The following PALS1 variants were observed in gnomAD, a reference collection of about 807,000 sequenced individuals.
PALS1 encodes protein associated with LIN7 1, MAGUK p55 family member.
In PALS1, 31 loss-of-function variants were observed where a neutral mutation model predicts 78.9. The observed-to-expected ratio is 0.39, with a 90% CI of 0.30 to 0.53. The LOEUF is 0.53. PALS1 is among the 20% of genes least tolerant of loss of function. PALS1 has a pLI of 0.67. For synonymous variants in PALS1, 276 were observed against 270.9 expected (o/e 1.02, Z -0.18); for missense variants, 704 against 826.5 (o/e 0.85, Z 1.82).
At chr14:67,289,027 C>T (rs140342958) in intron 3 of PALS1, among the ~76,000 whole-genome samples, 27 of 139,050 alleles carry the variant, frequency 1.9e-4, no homozygotes, top group African/African-American at 6.2e-4. Flanking sequence ...AGTGCAGTGG[C>T]GTGATACTGG....
chr14:67,314,707 G>T (rs2085141938), intron 9 of PALS1, among the ~76,000 whole-genome samples: 1 of 152,218 alleles, frequency 6.6e-6, no homozygotes, highest in Non-Finnish European at 1.5e-5. Flanking sequence ...AGATTCCAAT[G>T]ATGACATTTC....
chr14:67,324,172 T>C (rs1201510743), intron 14 of PALS1, among the ~76,000 whole-genome samples: 2 of 152,222 alleles, frequency 1.3e-5, no homozygotes, highest in Non-Finnish European at 2.9e-5. Flanking sequence ...TTTTCTCTTC[T>C]TTTTATCCCA....
chr14:67,322,505 TAGTC>T (rs1367479308), intron 13 of PALS1, among the ~76,000 whole-genome samples: 1 of 152,170 alleles, frequency 6.6e-6, no homozygotes. Context: ...TTAGGCAACA[TAGTC>T]AGTGGTCATT....
intron 4 of PALS1, among the ~76,000 whole-genome samples, chr14:67,298,440 G>A (rs556597133): frequency 3.3e-5 from 5 of 151,650 alleles, no homozygotes; most frequent in African/African-American, 9.7e-5. Flanking sequence ...GCTTGAACCC[G>A]GGAGGCGAAG....
chr14:67,311,924 G>A (rs1422155929), intron 8 of PALS1: 1 of 152,622 alleles, frequency 6.6e-6, no homozygotes, highest in Non-Finnish European at 1.5e-5. Context: ...GAGAGTTTAA[G>A]GCATAGTTGG....
At chr14:67,298,527 A>C (rs2084890389) in intron 4 of PALS1, among the ~76,000 whole-genome samples, 1 of 152,022 alleles carries the variant, frequency 6.6e-6, no homozygotes, top group South Asian at 2.1e-4. Context: ...AAAAAAAAAA[A>C]AATACTATTA....
intron 2 of PALS1, among the ~76,000 whole-genome samples, chr14:67,275,133 T>C (rs1004414548): frequency 6.6e-6 from 1 of 152,202 alleles, no homozygotes; most frequent in Non-Finnish European, 1.5e-5. Flanking sequence ...CCCGATTGCC[T>C]TGGCCAAAAC....
intron 8 of PALS1, among the ~76,000 whole-genome samples, chr14:67,304,649 G>A (rs2084975368): frequency 1.3e-5 from 2 of 152,160 alleles, no homozygotes; most frequent in Admixed American, 6.5e-5. Context: ...ATTTATGAGG[G>A]AATGGTGATT....
intron 1 of PALS1, among the ~76,000 whole-genome samples, chr14:67,265,392 A>G (rs1398183567): frequency 6.6e-6 from 1 of 152,072 alleles, no homozygotes. Flanking sequence ...CTCTGTCTCT[A>G]AGAAAATAAA....
rs2085496656 is a variant in PALS1 at position 67,334,334 on chromosome 14, T to C, written c.*1378T>C. Reference sequence around the variant, plus strand: ...GGCATGGAAACTTAATTTGCAGTCTTTTCAAGCCTTTAGGATAGTGTGATG... The same window carrying C: ...GGCATGGAAACTTAATTTGCAGTCTCTTCAAGCCTTTAGGATAGTGTGATG... On this transcript the variant is annotated 3_prime_UTR_variant, in exon 15 of 15. Coordinates refer to ENST00000261681, the MANE Select transcript of PALS1 (RefSeq NM_022474.4). 1 of 152,656 alleles carries C rather than the reference T, an allele frequency of 6.6e-6. No individual in the cohort carries two copies. Among genetic ancestry groups the C allele is most frequent in the African/African-American group, 2.4e-5 (1 of 41,458 alleles). The allele number at this position is 152,656 out of a possible 1,614,324, so 9.5% of individuals were successfully genotyped here. A position where few individuals can be genotyped will look rare whatever the true frequency, so the allele number is the denominator to read the frequency against.
chr14:67,251,715 T>C (rs1365614364), intron 1 of PALS1, among the ~76,000 whole-genome samples: 3 of 152,194 alleles, frequency 2.0e-5, no homozygotes, highest in Non-Finnish European at 4.4e-5. Context: ...GACCTAGAGC[T>C]TCTAAATCCC....
intron 5 of PALS1, 57 bp from the exon 6 acceptor site, chr14:67,301,915 A>G (rs2084936947): frequency 1.3e-6 from 2 of 1,531,160 alleles, no homozygotes; most frequent in South Asian, 1.3e-5. Flanking sequence ...GTTAAAAATC[A>G]CTCTGCAGAA....
chr14:67,328,977 A>G (rs1359120712), intron 14 of PALS1, among the ~76,000 whole-genome samples: 12 of 152,114 alleles, frequency 7.9e-5, no homozygotes, highest in Non-Finnish European at 1.8e-4. Context: ...TTTTGGTTCC[A>G]TATGAACTTT....
At chr14:67,323,232 C>CAT (rs57594216) in intron 13 of PALS1, among the ~76,000 whole-genome samples, 12,252 of 143,600 alleles carry the variant, frequency 0.085, 1,199 homozygotes, top group African/African-American at 0.24. Context: ...CATATATACA[C>CAT]GTGTGTGTGT....
chr14:67,323,815 A>C lies in PALS1; in HGVS notation c.1851+3A>C, dbSNP rs1257991448. On this transcript the variant is annotated splice_donor_region_variant and intron_variant, in intron 14 of 14. Transcript: ENST00000261681. ...CCAAAGAAGGCAAGAATCCAAAGGTAAAGTTTTCACACTATTGTACTATTC... is the reference window on the plus strand; with the variant it reads ...CCAAAGAAGGCAAGAATCCAAAGGTCAAGTTTTCACACTATTGTACTATTC... 1 of 1,481,924 alleles carries C rather than the reference A, an allele frequency of 6.7e-7. No homozygotes were observed. Among genetic ancestry groups the C allele is most frequent in the East Asian group, 2.4e-5 (1 of 41,926 alleles). 91.8% of individuals were successfully genotyped at this position (1,481,924 alleles called of 1,614,324 possible).
chr14:67,327,597 G>A (rs1274887665), intron 14 of PALS1, among the ~76,000 whole-genome samples: 2 of 151,814 alleles, frequency 1.3e-5, no homozygotes, highest in Non-Finnish European at 2.9e-5. Flanking sequence ...CCGTTAACTC[G>A]TCATTTACAT....
intron 11 of PALS1, among the ~76,000 whole-genome samples, chr14:67,318,810 C>G (rs1163714176): frequency 6.6e-6 from 1 of 152,116 alleles, no homozygotes; most frequent in Non-Finnish European, 1.5e-5. Flanking sequence ...GTAATCCCAG[C>G]ACTTTGGGAG....
chr14:67,285,533 A>AT (rs2084672787), intron 3 of PALS1, among the ~76,000 whole-genome samples: 1 of 151,674 alleles, frequency 6.6e-6, no homozygotes, highest in Admixed American at 6.6e-5. Context: ...CCCCTGGCTA[A>AT]TTTTTTTGTA....
chr14:67,309,675 A>T (rs1340495578), intron 8 of PALS1, among the ~76,000 whole-genome samples: 1 of 152,130 alleles, frequency 6.6e-6, no homozygotes, highest in East Asian at 1.9e-4. Flanking sequence ...TTCCCTCCTC[A>T]CGGGTCTTAA....
Sources: gnomAD v4.1 joint callset for allele counts (sites outside exome capture counted in the v4.1 genomes callset) on GRCh38, gnomAD v4.1.1 for gene constraint, MANE v1.5 for transcripts, NCBI Gene and HGNC (gene_info 2026-07-23, HGNC 2026-07-21) for gene names.